The following STX16 variants were observed in gnomAD, a reference collection of about 807,000 sequenced individuals.
STX16 encodes the protein syntaxin 16.
Under a neutral mutation model 42.7 loss-of-function variants are expected in STX16, and 28 were observed. That is an observed-to-expected ratio of 0.66 (90% CI 0.49 to 0.90). The LOEUF (loss-of-function observed/expected upper bound fraction) is 0.90. Ranked by LOEUF, STX16 falls within the 40% of genes least tolerant of loss-of-function variation. STX16 has a pLI of 0.00. For missense variants in STX16, 361 were observed against 420.9 expected (o/e 0.86, Z 1.24); for synonymous variants, 156 against 155.2 (o/e 1.00, Z -0.04).
intron 2 of STX16, among the ~76,000 whole-genome samples, chr20:58,663,220 A>G (rs143635819): frequency 3.9e-5 from 6 of 152,326 alleles, no homozygotes; most frequent in African/African-American, 1.2e-4. Flanking sequence ...GACTTTTCCA[A>G]TCTCCACAGA....
Position 58,669,180 on chromosome 20 carries a change from C to T in STX16, c.394-111C>T, listed in dbSNP as rs564435364. ...TTTATCTGTTCACCTTTCTCTAAAC[C>T]AGACTGAGTGAACAGAGCCTCTCAC... On this transcript the variant is annotated intron_variant, in intron 4 of 8. Coordinates refer to ENST00000371141, the MANE Select transcript of STX16 (RefSeq NM_001001433.3). The T allele has an allele frequency of 6.1e-4, 704 of 1,158,084 alleles. 6 individuals are homozygous for T. The South Asian group carries it at 8.5e-3, about 14-fold the overall frequency. 71.7% of individuals were successfully genotyped at this position (1,158,084 alleles called of 1,614,324 possible).
At chr20:58,674,303 T>C (rs1468661037) in intron 8 of STX16, among the ~76,000 whole-genome samples, 1 of 152,154 alleles carries the variant, frequency 6.6e-6, no homozygotes, top group Non-Finnish European at 1.5e-5. Context: ...TATTCTCTTT[T>C]AAAAAAATAG....
At chr20:58,654,457 C>T (rs2083543257) in intron 1 of STX16, among the ~76,000 whole-genome samples, 1 of 152,192 alleles carries the variant, frequency 6.6e-6, no homozygotes, top group Admixed American at 6.5e-5. Context: ...ATCTATTCTG[C>T]ACACAGTACG....
At chr20:58,660,377 T>C (rs1428124892) in intron 2 of STX16, among the ~76,000 whole-genome samples, 1 of 152,124 alleles carries the variant, frequency 6.6e-6, no homozygotes. Flanking sequence ...GATGGAGAGG[T>C]GAGGGTTGTT....
chr20:58,653,382 T>C (rs1316475944), intron 1 of STX16, among the ~76,000 whole-genome samples: 3 of 152,260 alleles, frequency 2.0e-5, no homozygotes, highest in Non-Finnish European at 4.4e-5. Context: ...TTTGGCCATA[T>C]AACTGATAGA....
intron 6 of STX16, among the ~76,000 whole-genome samples, chr20:58,670,932 T>C (rs1447162177): frequency 1.3e-5 from 2 of 152,214 alleles, no homozygotes; most frequent in Non-Finnish European, 2.9e-5. Context: ...GGCTTCTGTC[T>C]TCCCTGCTAT....
intron 7 of STX16, among the ~76,000 whole-genome samples, chr20:58,673,183 C>A (rs564514512): frequency 6.6e-6 from 1 of 152,230 alleles, no homozygotes; most frequent in African/African-American, 2.4e-5. Context: ...CGTTTATAGA[C>A]GTGATAGTCA....
chr20:58,659,101 A>T (rs1201019605), intron 1 of STX16, among the ~76,000 whole-genome samples: 1 of 152,226 alleles, frequency 6.6e-6, no homozygotes, highest in Non-Finnish European at 1.5e-5. Context: ...ATGTTATCTG[A>T]ATACAGCTAC....
chr20:58,669,591 A>G (rs2071059279), intron 5 of STX16, 138 bp downstream of exon 5: 2 of 1,083,176 alleles, frequency 1.8e-6, no homozygotes, highest in Non-Finnish European at 2.5e-6. Context: ...TGTACAGTAA[A>G]GGGAAGCCTC....
At chr20:58,666,055 C>A (rs1474611753) in intron 2 of STX16, among the ~76,000 whole-genome samples, 1 of 151,944 alleles carries the variant, frequency 6.6e-6, no homozygotes, top group African/African-American at 2.4e-5. Context: ...GATATTTTTC[C>A]CCCTTCATCT....
At chr20:58,670,707 C>T (rs2083947847) in intron 6 of STX16, 104 bp downstream of exon 6, 1 of 931,944 alleles carries the variant, frequency 1.1e-6, no homozygotes, top group Non-Finnish European at 1.7e-6. Context: ...TGGATTGATA[C>T]AGTTGACTTG....
chr20:58,662,924 G>A lies in STX16; in HGVS notation c.144+3290G>A, dbSNP rs541612199. On this transcript the variant is annotated intron_variant, in intron 2 of 8. Transcript: ENST00000371141. ...ATTATTACGGGTTTAGAAAAATGTA[G>A]TGCTGACATCACTTTTTTCTTTTAT... Among the ~76,000 whole-genome samples the A allele has an allele frequency of 2.9e-4, 44 of 152,320 alleles. 1 individual carries two copies. The South Asian group carries it at 7.9e-3, about 27-fold the overall frequency.
chr20:58,668,300 C>T (rs147792404), intron 4 of STX16, among the ~76,000 whole-genome samples, 173 bp downstream of exon 4: 5 of 152,292 alleles, frequency 3.3e-5, no homozygotes, highest in African/African-American at 1.2e-4. Flanking sequence ...ACCTGTGAGG[C>T]CTTGGAGGTA....
chr20:58,668,304 G>A (rs2083887259), intron 4 of STX16, among the ~76,000 whole-genome samples, 177 bp downstream of exon 4: 1 of 152,200 alleles, frequency 6.6e-6, no homozygotes, highest in Non-Finnish European at 1.5e-5. Context: ...GTGAGGCCTT[G>A]GAGGTATGGG....
intron 5 of STX16, 120 bp from the exon 6 acceptor site, chr20:58,670,392 C>T (rs892100003): frequency 1.1e-5 from 8 of 726,020 alleles, no homozygotes; most frequent in East Asian, 5.4e-5. Flanking sequence ...TTCTTTAAAG[C>T]GGCTAAGAAT....
chr20:58,667,537 A>C lies in STX16; in HGVS notation c.192A>C (p.Pro64=). 3 of 1,614,200 alleles carry C rather than the reference A, an allele frequency of 1.9e-6. No homozygotes were observed. The highest frequency in any genetic ancestry group is 2.5e-6 in the Non-Finnish European group (3 of 1,180,042). The change falls in exon 3 of 9, where the codon CCA becomes CCC. Residue 64 remains proline (P), a synonymous_variant. Transcript: ENST00000371141. The part of the protein sequence containing the change: ...MALVSGISLD[P]EAAIGVTKRP... Reference sequence around the variant, plus strand: ...TGGTGTCAGGCATCAGCTTAGATCCAGAAGCAGCGATTGGTGTGACAAAAC... The same window carrying C: ...TGGTGTCAGGCATCAGCTTAGATCCCGAAGCAGCGATTGGTGTGACAAAAC...
At chr20:58,661,239 G>A (rs1338015881) in intron 2 of STX16, among the ~76,000 whole-genome samples, 1 of 152,240 alleles carries the variant, frequency 6.6e-6, no homozygotes, top group Non-Finnish European at 1.5e-5. Flanking sequence ...AATGTTCCAA[G>A]GAGGGGCACA....
chr20:58,669,482 A>C, intron 5 of STX16, 29 bp downstream of exon 5: 9 of 1,578,668 alleles, frequency 5.7e-6, no homozygotes, highest in Non-Finnish European at 7.7e-6. Flanking sequence ...TAGTGAAGGG[A>C]TTTTGAGTAA....
chr20:58,678,198 C>G lies in STX16; in HGVS notation c.*1907C>G, dbSNP rs1385485299. 1 of 152,200 alleles carries G rather than the reference C, an allele frequency of 6.6e-6. No individual in the cohort carries two copies. Among genetic ancestry groups the G allele is most frequent in the Non-Finnish European group, 1.5e-5 (1 of 68,060 alleles). The allele number at this position is 152,200 out of a possible 1,614,324, so 9.4% of individuals were successfully genotyped here. On this transcript the variant is annotated 3_prime_UTR_variant, in exon 9 of 9. Coordinates refer to ENST00000371141, the MANE Select transcript of STX16 (RefSeq NM_001001433.3). ...ACAGTGGCAATACCGGACTTCTGTT[C>G]AAGCTTTTTAAAGTGCTGAGCCTTA... is the stretch of plus-strand genomic sequence containing the variant.
Sources: gnomAD v4.1 joint callset for allele counts (sites outside exome capture counted in the v4.1 genomes callset) on GRCh38, gnomAD v4.1.1 for gene constraint, MANE v1.5 for transcripts, NCBI Gene and HGNC (gene_info 2026-07-23, HGNC 2026-07-21) for gene names.